Variants in SRFBP1 observed in about 807,000 individuals in gnomAD.
The protein encoded by SRFBP1 is serum response factor binding protein 1, also known as serum response factor-binding protein 1.
In SRFBP1, 47 loss-of-function variants were observed where a neutral mutation model predicts 45.5. That is an observed-to-expected ratio of 1.03 (90% CI 0.82 to 1.32). SRFBP1 has a LOEUF of 1.32. SRFBP1 is among the 40% of genes most tolerant of loss of function. The probability of loss-of-function intolerance (pLI) is 0.00; values close to 1 mark genes in which losing one functional copy is unlikely to be tolerated. For synonymous variants in SRFBP1, 203 were observed against 166.3 expected, an observed-to-expected ratio of 1.22 and a Z score of -1.70; for missense variants, 621 against 484.6, an observed-to-expected ratio of 1.28 and a Z score of -2.64.
At chr5:121,996,060 TCA>T (rs1314797579) in intron 4 of SRFBP1, among the ~76,000 whole-genome samples, 1 of 151,136 alleles carries the variant, frequency 6.6e-6, no homozygotes, top group African/African-American at 2.4e-5. Flanking sequence ...CCAGATGGAC[TCA>T]CAGCCGAATT....
At chr5:122,077,462 T>C (rs2152591256), downstream of SRFBP1, 3 of 1,614,004 alleles carry the variant, frequency 1.9e-6, no homozygotes, top group Non-Finnish European at 2.5e-6. This position sits in a 1 kb window ranked among gnomAD's most constrained non-coding sequence, Gnocchi z 4.9. Flanking sequence ...AGAGTACTTG[T>C]AGGGGTTGTA....
At chr5:121,965,327 G>T (rs916114938) in intron 1 of SRFBP1, among the ~76,000 whole-genome samples, 12 of 152,000 alleles carry the variant, frequency 7.9e-5, no homozygotes, top group African/African-American at 2.4e-4. Context: ...TTTTAGGTCT[G>T]ACGTTTAAGT....
rs190924937 is a variant in SRFBP1, at chr5:122,013,331, A to C, written c.271-5929A>C. Among the ~76,000 whole-genome samples the C allele has an allele frequency of 1.8e-3, 278 of 152,236 alleles. 2 individuals carry two copies. The highest frequency in any genetic ancestry group is 7.4e-4 in the Non-Finnish European group (50 of 67,974). On this transcript the variant is annotated intron_variant, in intron 4 of 7. Transcript: ENST00000339397. Reference sequence around the variant, plus strand: ...AGGCAACTTTATCAAAATTTCATTTATAAAAATTAGAAGCACTGAGTACAT... The same window carrying C: ...AGGCAACTTTATCAAAATTTCATTTCTAAAAATTAGAAGCACTGAGTACAT...
rs1470127566 is a variant in SRFBP1 at position 122,047,674 on chromosome 5, C to A, written n.311+25267C>A. 2.0e-5 allele frequency among the ~76,000 whole-genome samples: 3 copies of A among 152,262 alleles called. No homozygotes were observed. The East Asian group carries it at 5.8e-4, about 29-fold the overall frequency. ...TTTCATGATATTGATTCTTCCTATC[C>A]ATGAGCATGGAATGTTCTTCCATTT... On this transcript the variant is annotated intron_variant and non_coding_transcript_variant, in intron 2 of 2. Coordinates refer to the SRFBP1 transcript ENST00000504881.
chr5:122,002,477 A>G (rs1292686256), intron 4 of SRFBP1, among the ~76,000 whole-genome samples: 2 of 152,198 alleles, frequency 1.3e-5, no homozygotes, highest in Admixed American at 6.5e-5. Flanking sequence ...ATTCTTACCA[A>G]TGACTTTTAT....
chr5:122,036,284 C>A (rs1753691156), intron 2 of SRFBP1, among the ~76,000 whole-genome samples: 1 of 152,088 alleles, frequency 6.6e-6, no homozygotes, highest in Non-Finnish European at 1.5e-5. Flanking sequence ...AGACTGGAGT[C>A]TGAATAGCTG....
At chr5:122,026,246 T>C (rs1397632573) in intron 7 of SRFBP1, among the ~76,000 whole-genome samples, 1 of 152,240 alleles carries the variant, frequency 6.6e-6, no homozygotes, top group Non-Finnish European at 1.5e-5. Flanking sequence ...TGTGCATTGA[T>C]GCATATCTTT....
chr5:121,990,751 A>G (rs1273578660), intron 3 of SRFBP1, among the ~76,000 whole-genome samples: 2 of 152,190 alleles, frequency 1.3e-5, no homozygotes, highest in East Asian at 1.9e-4. Context: ...AATATGGAGA[A>G]CAAAGGTTAT....
At chr5:122,030,823 G>A (rs6886559), downstream of SRFBP1, among the ~76,000 whole-genome samples, 1 of 151,936 alleles carries the variant, frequency 6.6e-6, no homozygotes, top group Non-Finnish European at 1.5e-5. Flanking sequence ...AGATTTCAAC[G>A]ACCATACACA....
chr5:122,037,839 C>A (rs1210246992), intron 2 of SRFBP1, among the ~76,000 whole-genome samples: 1 of 152,182 alleles, frequency 6.6e-6, no homozygotes, highest in East Asian at 1.9e-4. Context: ...CTTAATCCAT[C>A]TGGATTTACC....
rs546002952 is a variant in SRFBP1 at position 122,062,864 on chromosome 5, A to ATG, written n.312-12439_312-12438dup. On this transcript the variant is annotated intron_variant and non_coding_transcript_variant, in intron 2 of 2. Coordinates refer to the SRFBP1 transcript ENST00000504881. ...ACAAATAATTTGTAGCTAGAATTAGATGTGTGTGTGTGTATGTGTGTGTTT... is the reference window on the plus strand; with the variant it reads ...ACAAATAATTTGTAGCTAGAATTAGATGTGTGTGTGTGTGTATGTGTGTGTTT... Among the ~76,000 whole-genome samples the ATG allele has an allele frequency of 1.6e-3, 246 of 151,764 alleles. 1 individual carries two copies. Among genetic ancestry groups the ATG allele is most frequent in the Non-Finnish European group, 1.3e-3 (86 of 67,766 alleles).
At chr5:122,006,560 A>G (rs1752979176) in intron 4 of SRFBP1, among the ~76,000 whole-genome samples, 1 of 151,948 alleles carries the variant, frequency 6.6e-6, no homozygotes, top group Admixed American at 6.6e-5. Context: ...TGTTCCATAA[A>G]TCTCATAAAT....
Position 121,961,980 on chromosome 5 carries a change from C to G in SRFBP1, c.-53C>G, listed in dbSNP as rs771247239. On this transcript the variant is annotated 5_prime_UTR_variant, in exon 1 of 8. Coordinates refer to ENST00000339397, the MANE Select transcript of SRFBP1 (RefSeq NM_152546.3). ...AGGGGCGTGGCGACGCAGCCGCGGT[C>G]TGAGAGACCGGTTCACGTGCAGGCA... The G allele has an allele frequency of 1.1e-5, 17 of 1,612,798 alleles. No homozygotes were observed. The Admixed American group carries it at 1.3e-4, about 13-fold the overall frequency.
Position 122,040,145 on chromosome 5 carries a change from AC to A in SRFBP1, n.311+17739del, listed in dbSNP as rs1182630433. Among the ~76,000 whole-genome samples, 3 of 151,918 alleles carry A rather than the reference AC, an allele frequency of 2.0e-5. No individual in the cohort carries two copies. In the South Asian group the frequency reaches 6.2e-4, roughly 32 times the overall value. Reference sequence around the variant, plus strand: ...ATTTTTTTAATTATGTTGGGTCATTACTTTTGATTAATTTTAGGAATTATTT... The same window carrying A: ...ATTTTTTTAATTATGTTGGGTCATTATTTTGATTAATTTTAGGAATTATTT... On this transcript the variant is annotated intron_variant and non_coding_transcript_variant, in intron 2 of 2. Coordinates refer to the SRFBP1 transcript ENST00000504881.
chr5:122,073,609 T>C (rs1754519995), intron 2 of SRFBP1, among the ~76,000 whole-genome samples: 1 of 152,218 alleles, frequency 6.6e-6, no homozygotes, highest in African/African-American at 2.4e-5. Context: ...TGGGTGCATA[T>C]GTTGTCAACC....
chr5:121,997,537 C>A (rs973612889), intron 4 of SRFBP1, among the ~76,000 whole-genome samples: 19 of 151,606 alleles, frequency 1.3e-4, no homozygotes, highest in South Asian at 2.1e-4. Flanking sequence ...AAGATTTAAA[C>A]GTTAGACCTA....
At chr5:122,078,273 G>C (rs1446130905), downstream of SRFBP1, 7 of 347,932 alleles carry the variant, frequency 2.0e-5, no homozygotes, top group Non-Finnish European at 1.0e-5. Context: ...GTGAAGGAAG[G>C]AGGAGAGATT....
intron 2 of SRFBP1, 115 bp from the exon 3 acceptor site, chr5:121,975,200 T>A: frequency 9.3e-7 from 1 of 1,075,506 alleles, no homozygotes; most frequent in South Asian, 1.4e-5. Flanking sequence ...GTGGCGTGTT[T>A]GTTATTTAGA....
At chr5:122,034,970 T>C (rs1361399380) in intron 2 of SRFBP1, among the ~76,000 whole-genome samples, 1 of 152,118 alleles carries the variant, frequency 6.6e-6, no homozygotes, top group African/African-American at 2.4e-5. Context: ...GTTGCCCCTT[T>C]CCCAATTAGG....
Sources: gnomAD v4.1 joint callset for allele counts (sites outside exome capture counted in the v4.1 genomes callset) on GRCh38, gnomAD v4.1.1 for gene constraint, Gnocchi (gnomAD v3.1) non-coding constraint, MANE v1.5 for transcripts, NCBI Gene and HGNC (gene_info 2026-07-23, HGNC 2026-07-21) for gene names.